The following ALOX5 variants were observed in gnomAD, a reference collection of about 807,000 sequenced individuals.
ALOX5 encodes the protein polyunsaturated fatty acid 5-lipoxygenase.
A neutral mutation model predicts 87.9 loss-of-function variants in ALOX5; 64 were observed. The ratio of observed to expected loss-of-function variants is 0.73; its 90% CI spans 0.60 to 0.90. The LOEUF is 0.90. Ranked by LOEUF, ALOX5 falls within the 40% of genes least tolerant of loss-of-function variation. The pLI is 0.00. For missense variants in ALOX5, 822 were observed against 907.5 expected, an observed-to-expected ratio of 0.91 and a Z score of 1.21; for synonymous variants, 388 against 355.1, an observed-to-expected ratio of 1.09 and a Z score of -1.04.
At position 45,380,901 on chromosome 10, in the gene ALOX5, C is replaced by G. The variant is rs145044458; in HGVS notation, c.151-1582C>G. 5.3e-3 allele frequency among the ~76,000 whole-genome samples: 806 copies of G among 152,296 alleles called. 5 individuals carry two copies. Among genetic ancestry groups the G allele is most frequent in the African/African-American group, 0.018 (730 of 41,564 alleles). The stretch of plus-strand genomic sequence containing the variant: ...AGGTTGCAGTGAGCCGAGATCGAGC[C>G]ACTGCACTCCAGCCTGAGCAACACA... On this transcript the variant is annotated intron_variant, in intron 1 of 13. Coordinates refer to ENST00000374391, the MANE Select transcript of ALOX5 (RefSeq NM_000698.5).
At chr10:45,412,983 G>C (rs913662000) in intron 4 of ALOX5, among the ~76,000 whole-genome samples, 1 of 152,108 alleles carries the variant, frequency 6.6e-6, no homozygotes, top group Non-Finnish European at 1.5e-5. Context: ...TGAGTGTAGG[G>C]ATCTTTAAAT....
chr10:45,412,062 G>T, intron 3 of ALOX5, 129 bp from the exon 4 acceptor site: 1 of 1,349,004 alleles, frequency 7.4e-7, no homozygotes, highest in Non-Finnish European at 1.0e-6. Flanking sequence ...AGCCTATGAT[G>T]TGTTGACTTT....
intron 3 of ALOX5, among the ~76,000 whole-genome samples, chr10:45,399,506 T>C (rs567828218): frequency 1.2e-4 from 18 of 152,292 alleles, no homozygotes; most frequent in Non-Finnish European, 2.2e-4. Flanking sequence ...AAATGGATGA[T>C]AGATCTAAAA....
At chr10:45,407,228 A>T (rs1321259724) in intron 3 of ALOX5, among the ~76,000 whole-genome samples, 1 of 152,052 alleles carries the variant, frequency 6.6e-6, no homozygotes, top group African/African-American at 2.4e-5. Context: ...GAGAAATCTA[A>T]TGATAGTTTG....
intron 4 of ALOX5, among the ~76,000 whole-genome samples, chr10:45,419,117 G>A (rs1352535194): frequency 1.3e-5 from 2 of 152,230 alleles, no homozygotes; most frequent in African/African-American, 4.8e-5. Flanking sequence ...TGTACGTAGA[G>A]GCGCTATGAG....
intron 7 of ALOX5, among the ~76,000 whole-genome samples, chr10:45,439,468 C>G (rs1312020179): frequency 6.6e-6 from 1 of 152,224 alleles, no homozygotes; most frequent in African/African-American, 2.4e-5. Context: ...GTCAACCCCT[C>G]CAATACCCCA....
chr10:45,376,220 A>G (rs1186914483), intron 1 of ALOX5, among the ~76,000 whole-genome samples: 2 of 151,786 alleles, frequency 1.3e-5, no homozygotes, highest in African/African-American at 4.8e-5. Flanking sequence ...CTGAGAAGTC[A>G]TTCAAATGAC....
At position 45,443,823 on chromosome 10, in the gene ALOX5, G is replaced by A. The variant is rs758515927; in HGVS notation, c.1669G>A (p.Gly557Ser). 2.2e-5 allele frequency: 35 copies of A among 1,604,594 alleles called. No homozygotes were observed. The highest frequency in any genetic ancestry group is 2.0e-4 in the East Asian group (9 of 44,098). Residue 557 changes from glycine to serine, a missense_variant, in exon 12 of 14, where the codon GGC becomes AGC. Coordinates refer to ENST00000374391, the MANE Select transcript of ALOX5 (RefSeq NM_000698.5). ...CGCCCAGCACGCCGCGGTCAACTTCGGCCAGGTAGGCAGGGCCGGGCCCGC... is the reference window on the plus strand; with the variant it reads ...CGCCCAGCACGCCGCGGTCAACTTCAGCCAGGTAGGCAGGGCCGGGCCCGC... ...ASAQHAAVNF[G>S]QYDWCSWIPN...
chr10:45,428,313 C>G, intron 6 of ALOX5: 1 of 463,680 alleles, frequency 2.2e-6, no homozygotes, highest in Non-Finnish European at 3.9e-6. Flanking sequence ...TAACCTCTTT[C>G]TTCTTAGTAA....
chr10:45,384,742 C>T (rs1289408872), intron 2 of ALOX5, among the ~76,000 whole-genome samples: 1 of 152,136 alleles, frequency 6.6e-6, no homozygotes, highest in African/African-American at 2.4e-5. Flanking sequence ...CTGGTCCAAG[C>T]AGTCACAGAG....
At position 45,444,139 on chromosome 10, in the gene ALOX5, C is replaced by T. The variant is rs1213182620; in HGVS notation, c.1698C>T (p.Pro566=). The T allele has an allele frequency of 2.6e-6, 4 of 1,548,988 alleles. No homozygotes were observed. In the Admixed American group the frequency reaches 7.8e-5, roughly 30 times the overall value. Residue 566 remains proline, a synonymous_variant, in exon 13 of 14, where the codon CCC becomes CCT. Coordinates refer to ENST00000374391, the MANE Select transcript of ALOX5 (RefSeq NM_000698.5). ...AGTACGACTGGTGCTCCTGGATCCC[C>T]AATGCGCCCCCAACCATGCGAGCCC... The part of the protein sequence containing the change: ...FGQYDWCSWI[P]NAPPTMRAPP...
chr10:45,428,622 G>C lies in ALOX5; in HGVS notation c.839G>C (p.Gly280Ala). 3.1e-6 allele frequency: 5 copies of C among 1,614,094 alleles called. No homozygotes were observed. The highest frequency in any genetic ancestry group is 4.2e-6 in the Non-Finnish European group (5 of 1,180,016). The change falls in exon 7 of 14, where the codon GGG becomes GCG. Residue 280 changes from glycine to alanine, a missense_variant. Transcript: ENST00000374391. ...QLSLEQEVQQ[G>A]NIFIVDFELL... ...ACATCTCTCTGCCTCCTGCAGCAAGGGAACATTTTCATCGTGGACTTTGAG... is the reference window on the plus strand; with the variant it reads ...ACATCTCTCTGCCTCCTGCAGCAAGCGAACATTTTCATCGTGGACTTTGAG...
chr10:45,390,111 T>TA (rs1207354021), intron 2 of ALOX5, among the ~76,000 whole-genome samples: 3 of 152,014 alleles, frequency 2.0e-5, no homozygotes, highest in Admixed American at 1.3e-4. Flanking sequence ...TACATAATGG[T>TA]AAAGGGATCA....
rs1248192844 is a variant in ALOX5 at position 45,374,395 on chromosome 10, A to G, written c.116A>G (p.Asp39Gly). 9 of 1,565,380 alleles carry G rather than the reference A, an allele frequency of 5.7e-6. No homozygotes were observed. Among genetic ancestry groups the G allele is most frequent in the Non-Finnish European group, 7.8e-6 (9 of 1,160,006 alleles). ...SAGCSEKHLLDKPFYNDFERG... is the reference protein window; with the variant it reads ...SAGCSEKHLLGKPFYNDFERG... Reference sequence around the variant, plus strand: ...GGCTGCAGCGAGAAGCACCTGCTGGACAAGCCCTTCTACAACGACTTCGAG... The same window carrying G: ...GGCTGCAGCGAGAAGCACCTGCTGGGCAAGCCCTTCTACAACGACTTCGAG... Residue 39 changes from aspartate to glycine, a missense_variant, in exon 1 of 14, where the codon GAC (aspartate) becomes GGC (glycine). Physicochemically the swap from Asp to Gly is moderately conservative, Grantham distance 94. Transcript: ENST00000374391.
At chr10:45,419,624 A>G (rs925224546) in intron 4 of ALOX5, among the ~76,000 whole-genome samples, 5 of 152,256 alleles carry the variant, frequency 3.3e-5, no homozygotes, top group African/African-American at 1.2e-4. Context: ...TCACGCCTGT[A>G]ATCCCAGTGT....
At chr10:45,397,312 G>A (rs922169628) in intron 3 of ALOX5, among the ~76,000 whole-genome samples, 7 of 152,180 alleles carry the variant, frequency 4.6e-5, no homozygotes, top group African/African-American at 4.8e-5. Context: ...CCCAGAAGGC[G>A]GAGGTTGCAG....
chr10:45,429,742 A>G (rs889442095), intron 7 of ALOX5, among the ~76,000 whole-genome samples: 3 of 152,130 alleles, frequency 2.0e-5, no homozygotes, highest in Admixed American at 2.0e-4. Flanking sequence ...GGGAGGGGGT[A>G]TGGCACATAA....
intron 7 of ALOX5, among the ~76,000 whole-genome samples, chr10:45,430,114 GGGAGATCCCC>G (rs1241455680): frequency 2.6e-5 from 4 of 152,158 alleles, no homozygotes; most frequent in African/African-American, 9.7e-5. Context: ...CAAAATTGCT[GGGAGATCCCC>G]GGAGATCCCA....
chr10:45,384,088 G>A (rs964443149), intron 2 of ALOX5, among the ~76,000 whole-genome samples: 1 of 152,272 alleles, frequency 6.6e-6, no homozygotes, highest in Non-Finnish European at 1.5e-5. Context: ...CATGCAGAGT[G>A]CGGGGCCATC....
Sources: allele counts gnomAD v4.1 joint callset (sites outside exome capture counted in the v4.1 genomes callset), GRCh38; gene constraint gnomAD v4.1.1; transcripts MANE v1.5; gene names NCBI Gene and HGNC (gene_info 2026-07-23, HGNC 2026-07-21).